Variants in SYNDIG1 observed in about 807,000 individuals in gnomAD.
SYNDIG1 encodes the protein synapse differentiation-inducing gene protein 1.
SYNDIG1 carries 9 observed loss-of-function variants against 19.4 expected under a neutral mutation model. The ratio of observed to expected loss-of-function variants is 0.46; its 90% confidence interval spans 0.28 to 0.81. The LOEUF is 0.81. Among genes scored for constraint, SYNDIG1 ranks in the 30% least tolerant of loss-of-function variants. The pLI is 0.12. For synonymous variants in SYNDIG1, 141 were observed against 145.9 expected (o/e 0.97, Z 0.24); for missense variants, 311 against 343.3 (o/e 0.91, Z 0.74).
intron 1 of SYNDIG1, among the ~76,000 whole-genome samples, chr20:24,493,756 G>A (rs548412935): frequency 1.3e-5 from 2 of 152,260 alleles, no homozygotes; most frequent in East Asian, 3.9e-4. Flanking sequence ...TGTAGTGTGA[G>A]GAGCTTTACC....
chr20:24,532,142 A>G (rs1161220587), intron 1 of SYNDIG1, among the ~76,000 whole-genome samples: 2 of 152,228 alleles, frequency 1.3e-5, no homozygotes, highest in Non-Finnish European at 2.9e-5. Context: ...TACCTGCCAG[A>G]AAAAGAACAC....
chr20:24,510,363 G>A (rs1459389673), intron 1 of SYNDIG1, among the ~76,000 whole-genome samples: 1 of 151,464 alleles, frequency 6.6e-6, no homozygotes, highest in Non-Finnish European at 1.5e-5. Flanking sequence ...GAGGTCAGGA[G>A]TTCAAGACCA....
chr20:24,565,106 A>C (rs2058021042), intron 2 of SYNDIG1, among the ~76,000 whole-genome samples: 1 of 152,202 alleles, frequency 6.6e-6, no homozygotes, highest in Admixed American at 6.5e-5. Context: ...CTGGACCTCA[A>C]ATTCCCATGT....
chr20:24,566,218 C>T (rs2058039406), intron 2 of SYNDIG1, among the ~76,000 whole-genome samples: 1 of 152,260 alleles, frequency 6.6e-6, no homozygotes, highest in Non-Finnish European at 1.5e-5. Flanking sequence ...GGGAGCTGTG[C>T]AGGGAGCAGC....
At chr20:24,597,626 A>G (rs1385580185) in intron 3 of SYNDIG1, among the ~76,000 whole-genome samples, 2 of 152,090 alleles carry the variant, frequency 1.3e-5, no homozygotes, top group Non-Finnish European at 2.9e-5. Context: ...GAGTCCATCA[A>G]CTCAACTGGG....
At chr20:24,544,121 C>G (rs1377391405) in intron 2 of SYNDIG1, among the ~76,000 whole-genome samples, 1 of 152,128 alleles carries the variant, frequency 6.6e-6, no homozygotes, top group Admixed American at 6.5e-5. Context: ...TTAGATGACT[C>G]GCTTCTTTAA....
chr20:24,665,566 G>C lies in SYNDIG1; in HGVS notation c.*62G>C. On this transcript the variant is annotated 3_prime_UTR_variant, in exon 4 of 4. Coordinates refer to ENST00000376862, the MANE Select transcript of SYNDIG1 (RefSeq NM_024893.3). The stretch of plus-strand genomic sequence containing the variant: ...GTCTGTGTGGACGTGGAGGAAGCAG[G>C]CATACCGCATGATGCTGTACAGTAC... The C allele has an allele frequency of 6.2e-7, 1 of 1,604,672 alleles. No homozygotes were observed. Among genetic ancestry groups the C allele is most frequent in the African/African-American group, 1.3e-5 (1 of 74,518 alleles).
chr20:24,555,116 TG>T lies in SYNDIG1; in HGVS notation c.480+11541del, dbSNP rs2057786780. ...TAGAGGTGTTTGTAGTATTCTCTGA[TG>T]GTAGTTTGTATTTCTGTGGGATTGG... On this transcript the variant is annotated intron_variant, in intron 2 of 3. Coordinates refer to ENST00000376862, the MANE Select transcript of SYNDIG1 (RefSeq NM_024893.3). 5.3e-5 allele frequency among the ~76,000 whole-genome samples: 8 copies of T among 152,196 alleles called. 1 individual carries two copies. The South Asian group carries it at 1.7e-3, about 31-fold the overall frequency.
At chr20:24,607,468 A>G (rs1042877327) in intron 3 of SYNDIG1, among the ~76,000 whole-genome samples, 4 of 152,178 alleles carry the variant, frequency 2.6e-5, no homozygotes, top group African/African-American at 7.2e-5. Flanking sequence ...GCCGTCCTCA[A>G]TGCCTGATTC....
chr20:24,483,486 A>T lies in SYNDIG1; in HGVS notation c.-79+13733A>T, dbSNP rs114281626. 5.2e-3 allele frequency among the ~76,000 whole-genome samples: 795 copies of T among 152,280 alleles called. 9 individuals carry two copies. The highest frequency in any genetic ancestry group is 0.017 in the African/African-American group (717 of 41,556). On this transcript the variant is annotated intron_variant, in intron 1 of 3. Coordinates refer to ENST00000376862, the MANE Select transcript of SYNDIG1 (RefSeq NM_024893.3). The stretch of plus-strand genomic sequence containing the variant: ...ATCATATTTTATGTTCCCACGTCCT[A>T]TGCCCAGAGCTAGCACACATTATGT...
chr20:24,617,436 A>T (rs1018082845), intron 3 of SYNDIG1, among the ~76,000 whole-genome samples: 3 of 152,132 alleles, frequency 2.0e-5, no homozygotes, highest in Admixed American at 1.3e-4. Context: ...TGCCTTCCTC[A>T]CAGTCACAGC....
At chr20:24,485,622 G>A (rs1378803946) in intron 1 of SYNDIG1, among the ~76,000 whole-genome samples, 2 of 152,162 alleles carry the variant, frequency 1.3e-5, no homozygotes, top group Non-Finnish European at 2.9e-5. Flanking sequence ...ATTTCGTACA[G>A]TAATATCTCC....
At chr20:24,644,520 G>A (rs2059406286) in intron 3 of SYNDIG1, among the ~76,000 whole-genome samples, 1 of 152,216 alleles carries the variant, frequency 6.6e-6, no homozygotes. Flanking sequence ...GAATCATTGA[G>A]GCCTTGTTGC....
At chr20:24,579,266 AG>A (rs1235077035) in intron 2 of SYNDIG1, among the ~76,000 whole-genome samples, 1 of 152,180 alleles carries the variant, frequency 6.6e-6, no homozygotes, top group East Asian at 1.9e-4. Flanking sequence ...CCTTATCACA[AG>A]TGATGGCAAG....
At chr20:24,617,153 G>A (rs1011821669) in intron 3 of SYNDIG1, among the ~76,000 whole-genome samples, 2 of 152,162 alleles carry the variant, frequency 1.3e-5, no homozygotes, top group African/African-American at 4.8e-5. Flanking sequence ...GTGGCCGCCT[G>A]GGTGCTGTCC....
At chr20:24,522,697 G>T (rs1440892854) in intron 1 of SYNDIG1, among the ~76,000 whole-genome samples, 2 of 152,140 alleles carry the variant, frequency 1.3e-5, no homozygotes, top group Non-Finnish European at 2.9e-5. Context: ...CCAGAGACTG[G>T]GGCATTTGTA....
At position 24,534,147 on chromosome 20, in the gene SYNDIG1, G is replaced by A. The variant is rs111601590; in HGVS notation, c.-78-8873G>A. 3.0e-3 allele frequency among the ~76,000 whole-genome samples: 452 copies of A among 152,240 alleles called. 2 individuals carry two copies. Among genetic ancestry groups the A allele is most frequent in the African/African-American group, 0.01 (426 of 41,552 alleles). ...ACCCTAGGGAGGGCACCTCGTTCCC[G>A]GCCCCACCTCCAACACTAGGGATCA... On this transcript the variant is annotated intron_variant, in intron 1 of 3. Transcript: ENST00000376862.
chr20:24,578,560 G>T (rs2058270160), intron 2 of SYNDIG1, among the ~76,000 whole-genome samples: 1 of 152,236 alleles, frequency 6.6e-6, no homozygotes, highest in East Asian at 1.9e-4. Flanking sequence ...GGTTAGAGGG[G>T]CTGGGAAGGT....
intron 1 of SYNDIG1, among the ~76,000 whole-genome samples, chr20:24,513,883 G>A (rs2056804644): frequency 6.6e-6 from 1 of 152,132 alleles, no homozygotes; most frequent in South Asian, 2.1e-4. Context: ...GAGAAAGGTC[G>A]GGTTACCCAC....
Sources: gnomAD v4.1 joint callset for allele counts (sites outside exome capture counted in the v4.1 genomes callset) on GRCh38, gnomAD v4.1.1 for gene constraint, MANE v1.5 for transcripts, NCBI Gene and HGNC (gene_info 2026-07-23, HGNC 2026-07-21) for gene names.